C12orf56: variants seen among roughly 807,000 people sequenced by gnomAD.
C12orf56 encodes the protein uncharacterized protein C12orf56.
In C12orf56, 71 loss-of-function variants were observed where a neutral mutation model predicts 69.9. The ratio of observed to expected loss-of-function variants is 1.02; its 90% CI spans 0.84 to 1.24. C12orf56 has a LOEUF of 1.24. Ranked by LOEUF, C12orf56 falls within the 50% of genes most tolerant of loss-of-function variation. C12orf56 has a pLI of 0.00. For missense variants in C12orf56, 732 were observed against 738.5 expected (o/e 0.99, Z 0.10); for synonymous variants, 276 against 274.1 (o/e 1.01, Z -0.07).
chr12:64,334,912 G>A (rs1202163763), intron 2 of C12orf56, among the ~76,000 whole-genome samples: 1 of 152,088 alleles, frequency 6.6e-6, no homozygotes, highest in Admixed American at 6.5e-5. Context: ...CTAGTTACCT[G>A]TGTCTATTTA....
At chr12:64,352,244 CA>C (rs2135950293) in intron 2 of C12orf56, 1 of 152,208 alleles carries the variant, frequency 6.6e-6, no homozygotes, top group Non-Finnish European at 1.5e-5. Context: ...TCTAATATGC[CA>C]GTTTGTCTCT....
At chr12:64,375,802 C>T (rs1436234152) in intron 1 of C12orf56, among the ~76,000 whole-genome samples, 1 of 152,148 alleles carries the variant, frequency 6.6e-6, no homozygotes, top group Non-Finnish European at 1.5e-5. Flanking sequence ...GTCATCTTCT[C>T]TTATTTTATG....
chr12:64,379,927 C>CAAAAAAAAAAAAAAAAAAA (rs200293677), intron 1 of C12orf56, among the ~76,000 whole-genome samples: 2 of 114,128 alleles, frequency 1.8e-5, no homozygotes, highest in African/African-American at 4.7e-5. Context: ...ACTAAAAATA[C>CAAAAAAAAAAAAAAAAAAA]AAAAAAAAAA....
At chr12:64,281,432 C>T (rs971452560) in intron 8 of C12orf56, among the ~76,000 whole-genome samples, 1 of 151,710 alleles carries the variant, frequency 6.6e-6, no homozygotes. Context: ...ATCAGCCGAG[C>T]GTGGTGGCAC....
At chr12:64,341,954 C>T (rs1325783355) in intron 2 of C12orf56, among the ~76,000 whole-genome samples, 4 of 152,246 alleles carry the variant, frequency 2.6e-5, no homozygotes, top group Middle Eastern at 3.4e-3. Context: ...TTCATGGGCC[C>T]ATTGGGTGAT....
rs752688260 is a variant in C12orf56 at position 64,270,571 on chromosome 12, A to G, written c.1728T>C (p.Ala576=). Residue 576 remains alanine (A), a synonymous_variant, in exon 12 of 13, where the codon GCT becomes GCC. Coordinates refer to ENST00000543942, the MANE Select transcript of C12orf56 (RefSeq NM_001170633.2). The part of the protein sequence containing the change: ...KSCLRHSRTL[A]EYIRNNYREE... ...CTCTGTAGTTATTCCTAATATACTCAGCTAGAGTCCTGCTGTGCCGCAGAC... is the reference window on the plus strand; with the variant it reads ...CTCTGTAGTTATTCCTAATATACTCGGCTAGAGTCCTGCTGTGCCGCAGAC... 7 of 1,608,270 alleles carry G rather than the reference A, an allele frequency of 4.4e-6. No homozygotes were observed. In the South Asian group the frequency reaches 5.6e-5, roughly 13 times the overall value.
At chr12:64,294,904 A>AT (rs71092949) in intron 6 of C12orf56, among the ~76,000 whole-genome samples, 4 of 150,386 alleles carry the variant, frequency 2.7e-5, no homozygotes, top group African/African-American at 9.8e-5. Context: ...AGAAAAAAAA[A>AT]TTTTTTTTTT....
At chr12:64,366,892 C>CATACAGTTTATATATATTATATAAT (rs1565777484) in intron 1 of C12orf56, among the ~76,000 whole-genome samples, 1 of 126,562 alleles carries the variant, frequency 7.9e-6, no homozygotes, top group African/African-American at 3.1e-5. Flanking sequence ...TATTATATAA[C>CATACAGTTTATATATATTATATAAT]ATACAGTTTA....
intron 4 of C12orf56, among the ~76,000 whole-genome samples, chr12:64,316,013 C>G (rs1445100055): frequency 1.3e-5 from 2 of 151,526 alleles, no homozygotes; most frequent in Non-Finnish European, 1.5e-5. Flanking sequence ...TTCTCACTTA[C>G]GTGTGAAATA....
chr12:64,267,111 T>C lies in C12orf56; in HGVS notation c.*72A>G. 1 of 1,143,646 alleles carries C rather than the reference T, an allele frequency of 8.7e-7. No homozygotes were observed. Among genetic ancestry groups the C allele is most frequent in the South Asian group, 1.5e-5 (1 of 64,990 alleles). The allele number at this position is 1,143,646 out of a possible 1,614,324, so 70.8% of individuals were successfully genotyped here. A position where few individuals can be genotyped will look rare whatever the true frequency, so the allele number is the denominator to read the frequency against. On this transcript the variant is annotated 3_prime_UTR_variant, in exon 13 of 13. Transcript: ENST00000543942. ...AGATATTAAACAAATAAAAAAATGTTTCTCGTGAATATCAAGTTGACTCTT... is the reference window on the plus strand; with the variant it reads ...AGATATTAAACAAATAAAAAAATGTCTCTCGTGAATATCAAGTTGACTCTT...
At chr12:64,319,141 AGAG>A (rs1391830402) in intron 3 of C12orf56, 161 bp from the exon 4 acceptor site, 1 of 617,710 alleles carries the variant, frequency 1.6e-6, no homozygotes, top group African/African-American at 1.8e-5. Flanking sequence ...CCCATTGACT[AGAG>A]GAGATTTGAT....
At chr12:64,380,104 C>CAAA (rs60079906) in intron 1 of C12orf56, among the ~76,000 whole-genome samples, 74 of 49,970 alleles carry the variant, frequency 1.5e-3, no homozygotes, top group East Asian at 2.5e-3. Context: ...GACTCCGTCG[C>CAAA]AAAAAAAAAA....
intron 1 of C12orf56, among the ~76,000 whole-genome samples, chr12:64,374,577 G>T (rs1027241899): frequency 6.8e-6 from 1 of 146,304 alleles, no homozygotes; most frequent in Admixed American, 6.9e-5. Flanking sequence ...ATGGAGTCTC[G>T]CTGTCACCTA....
chr12:64,366,337 GTTTA>G (rs1458410561), intron 1 of C12orf56, among the ~76,000 whole-genome samples: 1 of 94,092 alleles, frequency 1.1e-5, no homozygotes, highest in Non-Finnish European at 1.9e-5. Flanking sequence ...ATTATATACA[GTTTA>G]TATATTATAT....
intron 9 of C12orf56, 48 bp downstream of exon 9, chr12:64,277,632 C>CCATATA: frequency 1.1e-6 from 1 of 936,698 alleles, no homozygotes; most frequent in Non-Finnish European, 1.4e-6. Flanking sequence ...GCCAGGGCCC[C>CCATATA]TATATATATA....
At chr12:64,371,969 C>T (rs924964533) in intron 1 of C12orf56, among the ~76,000 whole-genome samples, 2 of 143,766 alleles carry the variant, frequency 1.4e-5, no homozygotes, top group Non-Finnish European at 3.0e-5. Context: ...TTAGTAGAGA[C>T]AGGGCTTCAC....
intron 1 of C12orf56, chr12:64,355,720 T>C (rs1191767423): frequency 6.6e-6 from 1 of 152,226 alleles, no homozygotes; most frequent in African/African-American, 2.4e-5. Context: ...TGAGCATTAT[T>C]TTAAGTGTAT....
intron 3 of C12orf56, among the ~76,000 whole-genome samples, chr12:64,324,116 A>T (rs1212455763): frequency 6.6e-6 from 1 of 152,214 alleles, no homozygotes; most frequent in African/African-American, 2.4e-5. Flanking sequence ...TATTACATGG[A>T]TTTAGAGCAA....
chr12:64,352,794 A>T, intron 2 of C12orf56, 100 bp downstream of exon 2: 1 of 1,117,512 alleles, frequency 8.9e-7, no homozygotes, highest in Non-Finnish European at 1.2e-6. Flanking sequence ...CCTGGATTTT[A>T]ACTGAACTAA....
Sources: allele counts gnomAD v4.1 joint callset (sites outside exome capture counted in the v4.1 genomes callset), GRCh38; gene constraint gnomAD v4.1.1; transcripts MANE v1.5; gene names NCBI Gene and HGNC (gene_info 2026-07-23, HGNC 2026-07-21).